PTPN13: variants seen among roughly 807,000 people sequenced by gnomAD.
PTPN13 encodes protein tyrosine phosphatase non-receptor type 13.
PTPN13 carries 191 observed loss-of-function variants against 284.0 expected under a neutral mutation model. The observed-to-expected ratio is 0.67, with a 90% confidence interval of 0.60 to 0.76. The LOEUF (loss-of-function observed/expected upper bound fraction) is 0.76, where lower values mean the gene tolerates loss of function less well. Among genes scored for constraint, PTPN13 ranks in the 30% least tolerant of loss-of-function variants. PTPN13 has a pLI of 0.00. For missense variants in PTPN13, 2,797 were observed against 2,939.9 expected (o/e 0.95, Z 1.12); for synonymous variants, 986 against 1,022.3 (o/e 0.96, Z 0.68).
chr4:86,725,967 C>A (rs1379297903), intron 10 of PTPN13, among the ~76,000 whole-genome samples: 3 of 149,580 alleles, frequency 2.0e-5, no homozygotes, highest in African/African-American at 7.3e-5. Flanking sequence ...ACATTTAAGT[C>A]CTTAATCCAT....
At chr4:86,729,963 T>C (rs2149119753) in intron 10 of PTPN13, among the ~76,000 whole-genome samples, 1 of 149,674 alleles carries the variant, frequency 6.7e-6, no homozygotes, top group African/African-American at 2.4e-5. Context: ...TCTGTGGTTT[T>C]ATTTACCTTT....
chr4:86,657,306 C>T (rs1231568283), intron 2 of PTPN13, among the ~76,000 whole-genome samples: 2 of 152,136 alleles, frequency 1.3e-5, no homozygotes, highest in South Asian at 2.1e-4. Flanking sequence ...GCATTTTCTG[C>T]GTCGCTCACG....
At chr4:86,756,920 A>C (rs1222816783) in intron 20 of PTPN13, among the ~76,000 whole-genome samples, 1 of 152,326 alleles carries the variant, frequency 6.6e-6, no homozygotes, top group African/African-American at 2.4e-5. Context: ...TCTAATTTTC[A>C]GAAAGCTTCA....
At chr4:86,727,780 A>AT (rs1210521753) in intron 10 of PTPN13, among the ~76,000 whole-genome samples, 3 of 149,028 alleles carry the variant, frequency 2.0e-5, no homozygotes, top group South Asian at 2.1e-4. Context: ...AAATTCATTG[A>AT]TTTTTTTGAA....
At chr4:86,729,917 A>C (rs1008628900) in intron 10 of PTPN13, among the ~76,000 whole-genome samples, 2 of 149,686 alleles carry the variant, frequency 1.3e-5, no homozygotes, top group Non-Finnish European at 3.0e-5. Flanking sequence ...GGAGGAGAAG[A>C]AGCACTCTGG....
At chr4:86,641,538 A>C (rs947513812) in intron 2 of PTPN13, among the ~76,000 whole-genome samples, 4 of 152,162 alleles carry the variant, frequency 2.6e-5, no homozygotes, top group Non-Finnish European at 4.4e-5. Flanking sequence ...TTAAAAGCAA[A>C]ATTGCTATGG....
At chr4:86,621,863 C>G (rs1721290846) in intron 1 of PTPN13, among the ~76,000 whole-genome samples, 1 of 151,806 alleles carries the variant, frequency 6.6e-6, no homozygotes, top group Non-Finnish European at 1.5e-5. Flanking sequence ...TTGTCTCTTC[C>G]TTTTGCTCCC....
chr4:86,668,438 ACTATGTTTT>A (rs1727336150), intron 2 of PTPN13, among the ~76,000 whole-genome samples: 1 of 152,144 alleles, frequency 6.6e-6, no homozygotes, highest in South Asian at 2.1e-4. Flanking sequence ...CTGTGGTTTG[ACTATGTTTT>A]CTCAAGAATC....
intron 10 of PTPN13, among the ~76,000 whole-genome samples, chr4:86,727,590 T>C (rs1476674644): frequency 2.0e-5 from 3 of 149,550 alleles, no homozygotes; most frequent in Non-Finnish European, 4.5e-5. Context: ...GATTTTCTAG[T>C]TTATTTGCAT....
chr4:86,741,913 G>C (rs970567415), intron 16 of PTPN13, 97 bp downstream of exon 16: 1 of 1,023,344 alleles, frequency 9.8e-7, no homozygotes, highest in Admixed American at 2.6e-5. Context: ...CTGCCATTCA[G>C]TGGGGATAAT....
intron 2 of PTPN13, among the ~76,000 whole-genome samples, chr4:86,642,446 CTTCT>C (rs1326827064): frequency 4.7e-5 from 3 of 63,568 alleles, no homozygotes; most frequent in Admixed American, 5.6e-4. Context: ...TCTTCTTCTT[CTTCT>C]TTTTTTTTTT....
At position 86,701,298 on chromosome 4, in the gene PTPN13, C is replaced by T; in HGVS notation, c.692C>T (p.Thr231Ile). 6.2e-7 allele frequency: 1 copy of T among 1,611,470 alleles called. No individual in the cohort carries two copies. The highest frequency in any genetic ancestry group is 8.5e-7 in the Non-Finnish European group (1 of 1,178,722). Residue 231 changes from threonine (T) to isoleucine (I), a missense_variant, in exon 7 of 48, where the codon ACC becomes ATC. Thr to Ile is a moderately conservative substitution (Grantham distance 89). Transcript: ENST00000411767. ...CAAAAGCCTCCACTCTCTCATCAGACCTTTCTTAACAAAGGGCTTAGTAAA... is the reference window on the plus strand; with the variant it reads ...CAAAAGCCTCCACTCTCTCATCAGATCTTTCTTAACAAAGGGCTTAGTAAA... ...DIQKPPLSHQ[T>I]FLNKGLSKSM...
At chr4:86,697,601 C>T (rs912065400) in intron 6 of PTPN13, among the ~76,000 whole-genome samples, 6 of 152,088 alleles carry the variant, frequency 3.9e-5, no homozygotes, top group African/African-American at 1.4e-4. Flanking sequence ...TCCTGCCAAG[C>T]TTAAGGTGGA....
chr4:86,791,361 G>A (rs1482252908), intron 40 of PTPN13, among the ~76,000 whole-genome samples: 1 of 152,172 alleles, frequency 6.6e-6, no homozygotes, highest in Non-Finnish European at 1.5e-5. Flanking sequence ...CTTGAACAGG[G>A]CAGAGCCCAC....
At chr4:86,639,614 A>G (rs982897841) in intron 2 of PTPN13, among the ~76,000 whole-genome samples, 5 of 150,504 alleles carry the variant, frequency 3.3e-5, no homozygotes, top group East Asian at 2.0e-4. Flanking sequence ...TCTCTCATAG[A>G]TGGGAATTGA....
intron 2 of PTPN13, among the ~76,000 whole-genome samples, chr4:86,668,135 T>C (rs151071088): frequency 6.6e-6 from 1 of 152,314 alleles, no homozygotes; most frequent in African/African-American, 2.4e-5. Flanking sequence ...TCTATAAATA[T>C]AATCATTAGA....
intron 35 of PTPN13, among the ~76,000 whole-genome samples, chr4:86,778,781 A>C (rs1740937476): frequency 6.6e-6 from 1 of 152,184 alleles, no homozygotes; most frequent in Admixed American, 6.5e-5. Context: ...GGGGCGTTAA[A>C]TTTACAGATT....
intron 2 of PTPN13, among the ~76,000 whole-genome samples, chr4:86,659,631 C>T (rs990647222): frequency 2.0e-5 from 3 of 152,106 alleles, no homozygotes; most frequent in Admixed American, 6.5e-5. Context: ...GCCTGGCCAA[C>T]ATGGTGAAAC....
chr4:86,785,430 T>C (rs867807701), intron 39 of PTPN13, 62 bp downstream of exon 39: 6 of 1,421,818 alleles, frequency 4.2e-6, no homozygotes, highest in Middle Eastern at 3.6e-4. Flanking sequence ...CTAGGGAGCA[T>C]TTTTTGAGTA....
Sources: allele counts gnomAD v4.1 joint callset (sites outside exome capture counted in the v4.1 genomes callset), GRCh38; gene constraint gnomAD v4.1.1; transcripts MANE v1.5; gene names NCBI Gene and HGNC (gene_info 2026-07-23, HGNC 2026-07-21).